Variants in CDH13 observed in about 807,000 individuals in gnomAD.
The protein encoded by CDH13 is cadherin-13.
Under a neutral mutation model 63.8 loss-of-function variants are expected in CDH13, and 24 were observed. That is an observed-to-expected ratio of 0.38 (90% confidence interval 0.27 to 0.53). CDH13 has a LOEUF of 0.53. Ranked by LOEUF, CDH13 falls within the 20% of genes least tolerant of loss-of-function variation. The pLI is 0.85. For synonymous variants in CDH13, 503 were observed against 355.3 expected (o/e 1.42, Z -4.67); for missense variants, 1,049 against 903.1 (o/e 1.16, Z -2.07).
At chr16:83,079,064 G>T (rs1309920610) in intron 3 of CDH13, among the ~76,000 whole-genome samples, 1 of 152,120 alleles carries the variant, frequency 6.6e-6, no homozygotes, top group Non-Finnish European at 1.5e-5. Flanking sequence ...GAAAGTGCTG[G>T]GATTACAGGT....
intron 1 of CDH13, among the ~76,000 whole-genome samples, chr16:82,816,133 C>T (rs2037695870): frequency 6.6e-6 from 1 of 152,112 alleles, no homozygotes; most frequent in South Asian, 2.1e-4. Context: ...GACAGCTCCC[C>T]CAGTGACCTC....
chr16:83,769,322 T>A lies in CDH13; in HGVS notation c.1682-10646T>A, dbSNP rs1036643017. Among the ~76,000 whole-genome samples the A allele has an allele frequency of 2.6e-5, 4 of 152,076 alleles. No homozygotes were observed. In the East Asian group the frequency reaches 7.7e-4, roughly 29 times the overall value. ...AGTCTTCTGGCCTTAATGTCAGAGA[T>A]CCTATCTAGGGGAACGGTGGGGAAG... is the stretch of plus-strand genomic sequence containing the variant. On this transcript the variant is annotated intron_variant, in intron 11 of 13. Coordinates refer to ENST00000567109, the MANE Select transcript of CDH13 (RefSeq NM_001257.5).
At chr16:82,797,443 G>A (rs2036637332) in intron 1 of CDH13, among the ~76,000 whole-genome samples, 1 of 152,152 alleles carries the variant, frequency 6.6e-6, no homozygotes, top group Non-Finnish European at 1.5e-5. Flanking sequence ...TGCAGACTTT[G>A]CTAATTCATC....
At chr16:82,976,577 C>T (rs1909538020) in intron 2 of CDH13, among the ~76,000 whole-genome samples, 1 of 152,152 alleles carries the variant, frequency 6.6e-6, no homozygotes, top group African/African-American at 2.4e-5. Flanking sequence ...TGCCTCAAGA[C>T]AGCCCCAGAT....
chr16:83,091,013 C>G (rs77888699), intron 3 of CDH13, among the ~76,000 whole-genome samples: 1,996 of 151,646 alleles, frequency 0.013, 42 homozygotes, highest in African/African-American at 0.045. Context: ...TGTAATTTTT[C>G]TACTTATTAT....
chr16:83,512,523 C>A (rs943108505), intron 7 of CDH13, among the ~76,000 whole-genome samples: 4 of 150,810 alleles, frequency 2.7e-5, no homozygotes, highest in Admixed American at 1.3e-4. Flanking sequence ...CAAAAATTAG[C>A]CAGGTGTGGT....
chr16:83,695,121 C>T (rs1020731946), intron 10 of CDH13, among the ~76,000 whole-genome samples: 3 of 152,204 alleles, frequency 2.0e-5, no homozygotes, highest in South Asian at 2.1e-4. Flanking sequence ...GCAGGAGAAT[C>T]GCTTGAATCC....
intron 11 of CDH13, among the ~76,000 whole-genome samples, chr16:83,767,981 A>T (rs541189756): frequency 6.6e-6 from 1 of 152,220 alleles, no homozygotes; most frequent in African/African-American, 2.4e-5. Context: ...AATAAAGAGT[A>T]AGAAAAAAGT....
intron 6 of CDH13, among the ~76,000 whole-genome samples, chr16:83,442,926 T>A (rs1194508201): frequency 2.0e-5 from 3 of 152,262 alleles, no homozygotes. Flanking sequence ...CCTATATGCT[T>A]GACCTTCAGG....
chr16:83,038,138 T>C (rs1271775081), intron 3 of CDH13, among the ~76,000 whole-genome samples: 2 of 152,192 alleles, frequency 1.3e-5, no homozygotes, highest in African/African-American at 4.8e-5. Context: ...TGTCACTGTG[T>C]TTTGGAAGGA....
chr16:83,733,506 C>G (rs1013303209), intron 10 of CDH13, among the ~76,000 whole-genome samples: 9 of 152,166 alleles, frequency 5.9e-5, no homozygotes, highest in African/African-American at 1.9e-4. Flanking sequence ...TGCTTGGCAG[C>G]CGGCCAGACC....
rs140907048 is a variant in CDH13, at chr16:82,875,845, C to G, written c.157+17372C>G. 1.4e-3 allele frequency among the ~76,000 whole-genome samples: 213 copies of G among 152,312 alleles called. 2 individuals carry two copies. The highest frequency in any genetic ancestry group is 4.9e-3 in the African/African-American group (202 of 41,568). On this transcript the variant is annotated intron_variant, in intron 2 of 13. Transcript: ENST00000567109. ...AAGCTGGTTAATGTCCTGTATTAGT[C>G]TGTTTTCACACTGCTGATACAGACA...
At chr16:83,426,907 CT>C (rs71148833) in intron 6 of CDH13, among the ~76,000 whole-genome samples, 1,094 of 63,034 alleles carry the variant, frequency 0.017, no homozygotes, top group African/African-American at 0.024. Flanking sequence ...ATGTTTCTTT[CT>C]TTTTTTTTTT....
At chr16:83,239,013 C>G (rs1414155123) in intron 5 of CDH13, among the ~76,000 whole-genome samples, 1 of 152,146 alleles carries the variant, frequency 6.6e-6, no homozygotes, top group Non-Finnish European at 1.5e-5. Flanking sequence ...CTTGCATGTG[C>G]TGTTACTGGC....
At chr16:82,968,115 A>G (rs540790399) in intron 2 of CDH13, among the ~76,000 whole-genome samples, 10 of 152,282 alleles carry the variant, frequency 6.6e-5, no homozygotes, top group African/African-American at 2.2e-4. Flanking sequence ...CCAATTTTAA[A>G]AGTTTCATTA....
intron 12 of CDH13, among the ~76,000 whole-genome samples, chr16:83,780,605 TCACC>T (rs1028890688): frequency 5.3e-5 from 8 of 152,234 alleles, no homozygotes; most frequent in Non-Finnish European, 1.2e-4. Context: ...ACTATCCCCA[TCACC>T]CAATAGTGAA....
At chr16:83,426,208 G>A (rs113338978) in intron 6 of CDH13, among the ~76,000 whole-genome samples, 2,741 of 152,128 alleles carry the variant, frequency 0.018, 103 homozygotes, top group African/African-American at 0.063. Context: ...CAGCCTCTGG[G>A]TTTCCACCCT....
intron 6 of CDH13, among the ~76,000 whole-genome samples, chr16:83,434,463 C>G (rs1430261925): frequency 3.3e-5 from 5 of 152,060 alleles, no homozygotes. Flanking sequence ...CCTGCCACCT[C>G]TCTTCACCCC....
At chr16:83,155,543 T>G (rs2037172552) in intron 4 of CDH13, among the ~76,000 whole-genome samples, 1 of 152,168 alleles carries the variant, frequency 6.6e-6, no homozygotes, top group Admixed American at 6.5e-5. Context: ...GCTCTCCTCC[T>G]GCTCTTTCCC....
Sources: allele counts gnomAD v4.1 joint callset (sites outside exome capture counted in the v4.1 genomes callset), GRCh38; gene constraint gnomAD v4.1.1; transcripts MANE v1.5; gene names NCBI Gene and HGNC (gene_info 2026-07-23, HGNC 2026-07-21).